Variants in IGSF10 observed in about 807,000 individuals in gnomAD.
The protein encoded by IGSF10 is immunoglobulin superfamily member 10.
Under a neutral mutation model 128.2 loss-of-function variants are expected in IGSF10, and 126 were observed. The observed-to-expected ratio is 0.98, with a 90% CI of 0.85 to 1.14. The LOEUF is 1.14. Among genes scored for constraint, IGSF10 ranks in the 50% most tolerant of loss-of-function variants. The pLI, the probability that IGSF10 is intolerant of heterozygous loss-of-function variation, is 0.00. For missense variants in IGSF10, 3,295 were observed against 3,149.8 expected (o/e 1.05, Z -1.10); for synonymous variants, 1,185 against 1,146.2 (o/e 1.03, Z -0.68).
At position 151,449,198 on chromosome 3, in the gene IGSF10, A is replaced by G; in HGVS notation, c.783T>C (p.Pro261=). Reference sequence around the variant, plus strand: ...CTAACGGCTTGCCTTTAGAAGTCCTAGGGTTCATGCAAAGTGGACACTGCT... The same window carrying G: ...CTAACGGCTTGCCTTTAGAAGTCCTGGGGTTCATGCAAAGTGGACACTGCT... ...SAQQCPLCMN[P]RTSKGKPLAM... is the part of the protein sequence containing the mutation. The change falls in exon 6 of 8, where the codon CCT becomes CCC. Residue 261 remains proline, a synonymous_variant. Coordinates refer to ENST00000282466, the MANE Select transcript of IGSF10 (RefSeq NM_178822.5). 2.5e-6 allele frequency: 4 copies of G among 1,614,092 alleles called. No individual in the cohort carries two copies. The highest frequency in any genetic ancestry group is 2.2e-5 in the East Asian group (1 of 44,890).
rs145004864 is a variant in IGSF10 at position 151,438,001 on chromosome 3, A to G, written c.6560T>C (p.Ile2187Thr). The change falls in exon 8 of 8, where the codon ATT becomes ACT. Residue 2187 changes from isoleucine to threonine, a missense_variant. Transcript: ENST00000282466. ...ATTGGCATGAAATGTGTACCTATCAATGGAGAAGGAAATCATGTCATTGGA... is the reference window on the plus strand; with the variant it reads ...ATTGGCATGAAATGTGTACCTATCAGTGGAGAAGGAAATCATGTCATTGGA... ...LPSNDMISFS[I>T]DRYTFHANGS... 215 of 1,614,192 alleles carry G rather than the reference A, an allele frequency of 1.3e-4. No individual in the cohort carries two copies. Among genetic ancestry groups the G allele is most frequent in the African/African-American group, 2.1e-4 (16 of 75,052 alleles).
At chr3:151,617,052 T>A in the IGSF10 span, among the ~76,000 whole-genome samples, 16 of 152,088 alleles carry the variant, frequency 1.1e-4, no homozygotes, top group African/African-American at 3.9e-4. Flanking sequence ...TCAAAGGAGA[T>A]TATTCTCCAG....
the IGSF10 span, among the ~76,000 whole-genome samples, chr3:151,482,102 G>T: frequency 6.6e-6 from 1 of 152,072 alleles, no homozygotes; most frequent in African/African-American, 2.4e-5. Flanking sequence ...CACAACCAGA[G>T]ACATACGTAT....
the IGSF10 span, among the ~76,000 whole-genome samples, chr3:151,572,286 G>GA: frequency 6.6e-6 from 1 of 152,208 alleles, no homozygotes; most frequent in Non-Finnish European, 1.5e-5. Flanking sequence ...AATAGTTTCA[G>GA]AAGGAATGGT....
the IGSF10 span, among the ~76,000 whole-genome samples, chr3:151,558,027 A>ATTATATATATATATAATATATATATATAT: frequency 2.6e-3 from 138 of 52,792 alleles, 1 homozygote; most frequent in East Asian, 9.1e-3. Context: ...TAATATATAT[A>ATTATATATATATATAATATATATATATAT]TTGGTACAAT....
the IGSF10 span, among the ~76,000 whole-genome samples, chr3:151,505,093 C>T: frequency 6.6e-6 from 1 of 152,170 alleles, no homozygotes; most frequent in East Asian, 1.9e-4. Context: ...TAGTAGCACC[C>T]CACTCTCTGT....
chr3:151,498,197 C>A, the IGSF10 span, among the ~76,000 whole-genome samples: 4 of 152,164 alleles, frequency 2.6e-5, no homozygotes, highest in Non-Finnish European at 5.9e-5. Flanking sequence ...CTGGCCAGAA[C>A]TTCCAACACT....
chr3:151,547,015 C>CA, the IGSF10 span, among the ~76,000 whole-genome samples: 39 of 130,408 alleles, frequency 3.0e-4, no homozygotes, highest in East Asian at 7.5e-3. Flanking sequence ...CGGCGATCCA[C>CA]CCCCCCCTTG....
At chr3:151,536,741 G>C in the IGSF10 span, among the ~76,000 whole-genome samples, 3 of 152,104 alleles carry the variant, frequency 2.0e-5, no homozygotes, top group Non-Finnish European at 4.4e-5. Flanking sequence ...TCCCCTTAAA[G>C]TTCATTTTGT....
At chr3:151,503,717 TA>T in the IGSF10 span, among the ~76,000 whole-genome samples, 2 of 152,188 alleles carry the variant, frequency 1.3e-5, no homozygotes, top group Admixed American at 1.3e-4. Context: ...CCAAATTGGC[TA>T]AATGGGAGAC....
At chr3:151,487,155 A>G in the IGSF10 span, among the ~76,000 whole-genome samples, 1 of 152,190 alleles carries the variant, frequency 6.6e-6, no homozygotes, top group African/African-American at 2.4e-5. Flanking sequence ...GAATATCACC[A>G]CTGATCCCAC....
chr3:151,516,084 A>C, the IGSF10 span, among the ~76,000 whole-genome samples: 1 of 152,014 alleles, frequency 6.6e-6, no homozygotes, highest in Non-Finnish European at 1.5e-5. Flanking sequence ...TAGAACTCAA[A>C]GACTGGATCT....
the IGSF10 span, among the ~76,000 whole-genome samples, chr3:151,482,466 G>A: frequency 6.6e-6 from 1 of 152,112 alleles, no homozygotes; most frequent in South Asian, 2.1e-4. Flanking sequence ...CTGATCAGAG[G>A]AAAGAATCTA....
At chr3:151,527,519 C>T in the IGSF10 span, among the ~76,000 whole-genome samples, 1 of 152,026 alleles carries the variant, frequency 6.6e-6, no homozygotes, top group African/African-American at 2.4e-5. Context: ...ACATGTTACC[C>T]GCCCAATAAA....
the IGSF10 span, among the ~76,000 whole-genome samples, chr3:151,587,514 A>AT: frequency 4.6e-5 from 7 of 151,270 alleles, no homozygotes; most frequent in East Asian, 3.9e-4. Flanking sequence ...ATTGAATCAG[A>AT]TTTTTTTTTC....
rs772658600 is a variant in IGSF10, at chr3:151,436,687, T to C, written c.*2A>G. ...AGATGTTGTTGACTTTATTATTTCA[T>C]GTCAGATTACTTGAATATACGTTGC... On this transcript the variant is annotated 3_prime_UTR_variant, in exon 8 of 8. Coordinates refer to ENST00000282466, the MANE Select transcript of IGSF10 (RefSeq NM_178822.5). 7.0e-6 allele frequency: 11 copies of C among 1,574,408 alleles called. No individual in the cohort carries two copies. In the African/African-American group the frequency reaches 1.4e-4, roughly 19 times the overall value.
At chr3:151,483,008 G>A in the IGSF10 span, among the ~76,000 whole-genome samples, 2 of 151,760 alleles carry the variant, frequency 1.3e-5, no homozygotes, top group South Asian at 2.1e-4. Context: ...AAAAACTGAG[G>A]AAATTCATCA....
At chr3:151,542,625 A>G in the IGSF10 span, among the ~76,000 whole-genome samples, 274 of 152,324 alleles carry the variant, frequency 1.8e-3, 1 homozygote, top group African/African-American at 6.3e-3. Context: ...ACTTACTATA[A>G]AAACAAAATA....
At chr3:151,475,893 C>G in the IGSF10 span, 1 of 161,622 alleles carries the variant, frequency 6.2e-6, no homozygotes, top group East Asian at 1.8e-4. Context: ...AGCCCTAGAT[C>G]ATGTGTTTCT....
Sources: gnomAD v4.1 joint callset for allele counts (sites outside exome capture counted in the v4.1 genomes callset) on GRCh38, gnomAD v4.1.1 for gene constraint, MANE v1.5 for transcripts, NCBI Gene and HGNC (gene_info 2026-07-23, HGNC 2026-07-21) for gene names.